Variants in AFF2 observed in about 807,000 individuals in gnomAD.
AFF2 encodes the protein ALF transcription elongation factor 2, also known as AF4/FMR2 family member 2.
AFF2 carries 14 observed loss-of-function variants against 76.9 expected under a neutral mutation model. That is an observed-to-expected ratio of 0.18 (90% confidence interval 0.12 to 0.28). The LOEUF is 0.28. Ranked by LOEUF, AFF2 falls within the 10% of genes least tolerant of loss-of-function variation. AFF2 has a pLI of 1.00. For missense variants in AFF2, 868 were observed against 1,001.1 expected, an observed-to-expected ratio of 0.87 and a Z score of 1.79; for synonymous variants, 398 against 366.7, an observed-to-expected ratio of 1.09 and a Z score of -0.98.
intron 9 of AFF2, among the ~76,000 whole-genome samples, chrX:148,916,947 A>G (rs1424346388): frequency 8.9e-6 from 1 of 112,325 alleles, no homozygotes; most frequent in Non-Finnish European, 1.9e-5. Flanking sequence ...AAGTGCAAAC[A>G]TCTAAGGATA....
In AFF2 at chrX:148,962,893, A is replaced by T; in HGVS notation, c.2869A>T (p.Thr957Ser). 2 of 1,206,850 alleles carry T rather than the reference A, an allele frequency of 1.7e-6. No individual in the cohort carries two copies. Among genetic ancestry groups the T allele is most frequent in the Non-Finnish European group, 2.2e-6 (2 of 890,996 alleles). ...AATCACATCTACCAAACCTAAGAGA[A>T]CTGAAGGCAAATTCTGTGCTACTTT... ...GQITSTKPKR[T>S]EGKFCATFKG... The change falls in exon 13 of 21, where the codon ACT becomes TCT. Residue 957 changes from threonine (T) to serine (S), a missense_variant. Thr to Ser is a moderately conservative substitution (Grantham distance 58). Transcript: ENST00000370460.
intron 3 of AFF2, among the ~76,000 whole-genome samples, chrX:148,684,251 T>C (rs1379682632): frequency 8.9e-6 from 1 of 112,172 alleles, no homozygotes; most frequent in Non-Finnish European, 1.9e-5. Flanking sequence ...AACTAATTAA[T>C]GCATATTATT....
chrX:148,745,838 G>A (rs930036747), intron 3 of AFF2, among the ~76,000 whole-genome samples: 3 of 110,911 alleles, frequency 2.7e-5, no homozygotes, highest in African/African-American at 6.6e-5. Context: ...TGCCTCCTGC[G>A]TTCAAGCAAT....
intron 9 of AFF2, among the ~76,000 whole-genome samples, chrX:148,912,227 C>T (rs782604077): frequency 1.2e-4 from 14 of 112,110 alleles, no homozygotes; most frequent in Admixed American, 4.7e-4. Context: ...CATAGGTATA[C>T]GTGTGCCGTG....
chrX:148,556,898 G>A (rs1369112076), intron 1 of AFF2, among the ~76,000 whole-genome samples: 1 of 111,782 alleles, frequency 8.9e-6, no homozygotes, highest in African/African-American at 3.3e-5. Context: ...ATCTGTGGCT[G>A]GTTCTTTTTT....
At chrX:148,733,033 A>G (rs1013794706) in intron 3 of AFF2, among the ~76,000 whole-genome samples, 2 of 111,530 alleles carry the variant, frequency 1.8e-5, no homozygotes, top group South Asian at 3.7e-4. Flanking sequence ...TAGAGATACA[A>G]TTAACTTCCC....
chrX:148,848,958 G>A (rs2070699654), intron 7 of AFF2, among the ~76,000 whole-genome samples: 2 of 111,748 alleles, frequency 1.8e-5, no homozygotes, highest in South Asian at 7.6e-4. Context: ...TTGGCAGCCT[G>A]TTCAAGCTGT....
In AFF2 at chrX:148,610,265, A is replaced by T. The variant is rs142585787; in HGVS notation, c.48-41734A>T. ...ACTTGGTATTGAGTCACAGGTGGTG[A>T]AACTACCTGTTTGTTGCTCACTTGG... On this transcript the variant is annotated intron_variant, in intron 1 of 20. Coordinates refer to ENST00000370460, the MANE Select transcript of AFF2 (RefSeq NM_002025.4). 6.1e-3 allele frequency among the ~76,000 whole-genome samples: 677 copies of T among 111,061 alleles called. 3 individuals are homozygous for T. The highest frequency in any genetic ancestry group is 0.021 in the African/African-American group (652 of 30,508).
chrX:148,526,828 C>CT (rs2052666361), intron 1 of AFF2, among the ~76,000 whole-genome samples: 1 of 111,220 alleles, frequency 9.0e-6, no homozygotes, highest in African/African-American at 3.3e-5. Context: ...ACATTCCAGT[C>CT]TTTCCCCTTT....
rs1201822316 is a variant in AFF2, at chrX:148,950,347, G to A, written c.1398-3233G>A. 7.1e-5 allele frequency among the ~76,000 whole-genome samples: 8 copies of A among 112,151 alleles called. No individual in the cohort carries two copies. The Admixed American group carries it at 7.5e-4, about 11-fold the overall frequency. ...GCCCATGAGCAGAAGATGGAGAGTAGAGGCACAGGAAAGGTGCTGGTGAGA... is the reference window on the plus strand; with the variant it reads ...GCCCATGAGCAGAAGATGGAGAGTAAAGGCACAGGAAAGGTGCTGGTGAGA... On this transcript the variant is annotated intron_variant, in intron 9 of 20. Coordinates refer to ENST00000370460, the MANE Select transcript of AFF2 (RefSeq NM_002025.4).
intron 3 of AFF2, among the ~76,000 whole-genome samples, chrX:148,672,127 G>A (rs782454205): frequency 8.9e-6 from 1 of 112,139 alleles, no homozygotes; most frequent in African/African-American, 3.2e-5. Context: ...GTAAATGCAA[G>A]GGGCTTTAGA....
intron 9 of AFF2, among the ~76,000 whole-genome samples, chrX:148,951,180 C>T (rs201314145): frequency 0.021 from 229 of 10,737 alleles, 1 homozygote; most frequent in Non-Finnish European, 0.08. Flanking sequence ...CACACACACA[C>T]GCACACACAC....
intron 3 of AFF2, among the ~76,000 whole-genome samples, chrX:148,736,707 G>T (rs374946572): frequency 9.0e-6 from 1 of 111,514 alleles, no homozygotes; most frequent in East Asian, 2.8e-4. Flanking sequence ...TGTCTAGAAG[G>T]GTTTTTCCAA....
intron 9 of AFF2, among the ~76,000 whole-genome samples, chrX:148,907,769 A>T (rs1027471184): frequency 9.0e-6 from 1 of 111,545 alleles, no homozygotes; most frequent in Non-Finnish European, 1.9e-5. Flanking sequence ...CATTGATAAC[A>T]TCTTATCAGG....
intron 9 of AFF2, among the ~76,000 whole-genome samples, chrX:148,912,107 G>A (rs1471173466): frequency 8.9e-6 from 1 of 112,446 alleles, no homozygotes; most frequent in African/African-American, 3.2e-5. Flanking sequence ...AGAGCTGGAG[G>A]CCATTATCCT....
At chrX:148,712,929 G>A (rs1557263036) in intron 3 of AFF2, among the ~76,000 whole-genome samples, 1 of 111,655 alleles carries the variant, frequency 9.0e-6, no homozygotes, top group Non-Finnish European at 1.9e-5. Flanking sequence ...ATGATGACAA[G>A]TGCTATTAAA....
chrX:148,592,319 T>C (rs2053529780), intron 1 of AFF2, among the ~76,000 whole-genome samples: 2 of 110,891 alleles, frequency 1.8e-5, no homozygotes, highest in Non-Finnish European at 3.8e-5. Flanking sequence ...CTAACATTGG[T>C]TTATTATAGA....
chrX:148,967,123 G>A (rs114326821), intron 14 of AFF2, 44 bp downstream of exon 14: 2 of 1,188,677 alleles, frequency 1.7e-6, no homozygotes, highest in Non-Finnish European at 2.3e-6. Context: ...AGTAGTGAAT[G>A]GGGGGTGGGG....
intron 3 of AFF2, among the ~76,000 whole-genome samples, chrX:148,764,881 G>A (rs4844072): frequency 0.067 from 7,469 of 111,416 alleles, 573 homozygotes; most frequent in African/African-American, 0.22. Flanking sequence ...ATTTCTTCCC[G>A]AATTATTTAC....
Sources: gnomAD v4.1 joint callset for allele counts (sites outside exome capture counted in the v4.1 genomes callset) on GRCh38, gnomAD v4.1.1 for gene constraint, MANE v1.5 for transcripts, NCBI Gene and HGNC (gene_info 2026-07-23, HGNC 2026-07-21) for gene names.